Variants in TNS1 observed in about 807,000 individuals in gnomAD.
TNS1 encodes the protein tensin-1.
In TNS1, 62 loss-of-function variants were observed where a neutral mutation model predicts 168.6. The observed-to-expected ratio is 0.37, with a 90% CI of 0.30 to 0.45. The LOEUF (loss-of-function observed/expected upper bound fraction) is 0.45. TNS1 is among the 20% of genes least tolerant of loss of function. The probability of loss-of-function intolerance (pLI) is 1.00; values close to 1 mark genes in which losing one functional copy is unlikely to be tolerated. For missense variants in TNS1, 2,240 were observed against 2,339.4 expected, an observed-to-expected ratio of 0.96 and a Z score of 0.88; for synonymous variants, 934 against 933.2, an observed-to-expected ratio of 1.00 and a Z score of -0.02.
chr2:217,917,874 G>A (rs1955246396), intron 4 of TNS1, among the ~76,000 whole-genome samples: 1 of 151,068 alleles, frequency 6.6e-6, no homozygotes, highest in Non-Finnish European at 1.5e-5. Context: ...GAAAAGCCTT[G>A]TGGGTATCTG....
intron 18 of TNS1, among the ~76,000 whole-genome samples, chr2:217,876,984 C>A (rs2125624154): frequency 6.6e-6 from 1 of 152,278 alleles, no homozygotes; most frequent in East Asian, 1.9e-4. Flanking sequence ...ATGGGATTCA[C>A]CAGAAGGCAC....
rs770495832 is a variant in TNS1 at position 217,897,920 on chromosome 2, C to G, written c.421G>C (p.Val141Leu). The G allele has an allele frequency of 6.2e-7, 1 of 1,612,942 alleles. No individual in the cohort carries two copies. Among genetic ancestry groups the G allele is most frequent in the Non-Finnish European group, 8.5e-7 (1 of 1,179,434 alleles). The change falls in exon 8 of 33, where the codon GTG (valine) becomes CTG (leucine). Residue 141 changes from valine (V) to leucine (L), a missense_variant. Physicochemically the swap from Val to Leu is conservative, Grantham distance 32. This residue lies in a region of TNS1 where 2,131 missense variants were observed against 2,171.2 expected (regional missense o/e 0.98). Coordinates refer to ENST00000682258, the MANE Select transcript of TNS1 (RefSeq NM_001387777.1). Reference protein sequence around the residue: ...TMEDSCELDLVYVTERIIAVS... With the variant: ...TMEDSCELDLLYVTERIIAVS... The stretch of plus-strand genomic sequence containing the variant: ...GCGATGATCCTCTCTGTGACGTACA[C>G]CAGGTCCAGCTCACAGCTGTCCTCC...
chr2:218,018,254 G>A (rs1427672), intron 1 of TNS1, among the ~76,000 whole-genome samples: 1 of 152,048 alleles, frequency 6.6e-6, no homozygotes, highest in Non-Finnish European at 1.5e-5. Flanking sequence ...GGCACCACAC[G>A]GCCAGAGAGG....
At chr2:218,020,960 G>A (rs914190152) in intron 1 of TNS1, among the ~76,000 whole-genome samples, 3 of 152,226 alleles carry the variant, frequency 2.0e-5, no homozygotes, top group Non-Finnish European at 4.4e-5. Flanking sequence ...CGTCCTCAGC[G>A]AGATGAGAGA....
chr2:217,892,400 C>T (rs912463102), intron 11 of TNS1, among the ~76,000 whole-genome samples: 1 of 152,242 alleles, frequency 6.6e-6, no homozygotes, highest in Admixed American at 6.5e-5. Context: ...CTGCGCCCAG[C>T]CATATTCCTT....
At chr2:217,937,905 CT>C (rs1358448319) in intron 3 of TNS1, among the ~76,000 whole-genome samples, 1 of 152,206 alleles carries the variant, frequency 6.6e-6, no homozygotes, top group Non-Finnish European at 1.5e-5. Flanking sequence ...TTCCCCACCC[CT>C]ATCCCCTAAC....
At chr2:218,021,705 A>G (rs945780846) in intron 1 of TNS1, among the ~76,000 whole-genome samples, 1 of 152,166 alleles carries the variant, frequency 6.6e-6, no homozygotes, top group African/African-American at 2.4e-5. Flanking sequence ...CAGGCTTCCA[A>G]TTGCAGCAGG....
chr2:217,869,302 A>G (rs1302472073), intron 18 of TNS1, among the ~76,000 whole-genome samples: 1 of 152,226 alleles, frequency 6.6e-6, no homozygotes, highest in Non-Finnish European at 1.5e-5. Context: ...GGCGAGGACA[A>G]TGAGTGAAGA....
At chr2:217,930,124 A>G (rs1342883235) in intron 3 of TNS1, among the ~76,000 whole-genome samples, 3 of 152,194 alleles carry the variant, frequency 2.0e-5, no homozygotes, top group Admixed American at 2.0e-4. Context: ...CTCTGGCCAG[A>G]GAAAATTACG....
chr2:217,920,087 G>A (rs1312970119), intron 4 of TNS1, 108 bp downstream of exon 4: 5 of 696,718 alleles, frequency 7.2e-6, no homozygotes, highest in Non-Finnish European at 1.3e-5. Context: ...CCACCTAATT[G>A]TCCGACACCC....
At chr2:217,831,788 C>A (rs183407929) in intron 21 of TNS1, among the ~76,000 whole-genome samples, 4 of 152,300 alleles carry the variant, frequency 2.6e-5, no homozygotes, top group Admixed American at 2.6e-4. Flanking sequence ...CTGGCTCTGG[C>A]CCCAACCTTG....
intron 22 of TNS1, among the ~76,000 whole-genome samples, chr2:217,826,798 G>T (rs973738273): frequency 3.3e-5 from 5 of 152,208 alleles, no homozygotes; most frequent in African/African-American, 9.6e-5. Context: ...CTGCCAAGTG[G>T]CTGCTGGCGG....
chr2:217,903,789 C>A, intron 6 of TNS1: 1 of 612,048 alleles, frequency 1.6e-6, no homozygotes, highest in South Asian at 2.1e-5. Flanking sequence ...GAGTGGATCA[C>A]CACTCAGACA....
intron 18 of TNS1, among the ~76,000 whole-genome samples, chr2:217,866,996 G>A (rs1018346144): frequency 6.6e-6 from 1 of 152,230 alleles, no homozygotes; most frequent in Non-Finnish European, 1.5e-5. Flanking sequence ...AATGGTGGGT[G>A]TCAGAATCCA....
chr2:217,901,707 T>TCC (rs1953000484), intron 6 of TNS1: 1 of 152,184 alleles, frequency 6.6e-6, no homozygotes, highest in Admixed American at 6.5e-5. Flanking sequence ...CAGAATAACT[T>TCC]ACCCTCAAGT....
rs1405443259 is a variant in TNS1, at chr2:217,809,344, GATGC to G, written c.5273+475_5273+478del. On this transcript the variant is annotated intron_variant, in intron 30 of 32. Transcript: ENST00000682258. The stretch of plus-strand genomic sequence containing the variant: ...GGATGGATGGATGGATGGATGGATG[GATGC>G]ATGGATGGATGGATGGATGGATGGA... Among the ~76,000 whole-genome samples, 86 of 48,644 alleles carry G rather than the reference GATGC, an allele frequency of 1.8e-3. 2 individuals are homozygous for G. The highest frequency in any genetic ancestry group is 2.4e-3 in the African/African-American group (21 of 8,856). 31.9% of individuals were successfully genotyped at this position (48,644 alleles called of 152,430 possible).
chr2:217,849,341 G>A (rs560757324), intron 18 of TNS1, among the ~76,000 whole-genome samples: 44 of 152,184 alleles, frequency 2.9e-4, no homozygotes, highest in Non-Finnish European at 6.0e-4. Context: ...GAAGTGCTGG[G>A]GGCAAATCGC....
intron 30 of TNS1, among the ~76,000 whole-genome samples, chr2:217,809,521 ATAGG>A (rs1244766282): frequency 1.7e-5 from 1 of 57,472 alleles, no homozygotes; most frequent in African/African-American, 9.6e-5. Flanking sequence ...GGATGGATGG[ATAGG>A]TGCATGGATG....
intron 3 of TNS1, among the ~76,000 whole-genome samples, chr2:217,967,491 G>C (rs1957678154): frequency 6.6e-6 from 1 of 151,876 alleles, no homozygotes; most frequent in Non-Finnish European, 1.5e-5. Context: ...GTGAAAGAGG[G>C]GACATTACTA....
Sources: gnomAD v4.1 joint callset for allele counts (sites outside exome capture counted in the v4.1 genomes callset) on GRCh38, gnomAD v4.1.1 for gene constraint, gnomAD v4.1.1 regional missense constraint, MANE v1.5 for transcripts, NCBI Gene and HGNC (gene_info 2026-07-23, HGNC 2026-07-21) for gene names.